SPINT1: variants seen among roughly 807,000 people sequenced by gnomAD.
SPINT1 encodes the protein serine peptidase inhibitor, Kunitz type 1, also known as kunitz-type protease inhibitor 1.
Under a neutral mutation model 53.7 loss-of-function variants are expected in SPINT1, and 38 were observed. That is an observed-to-expected ratio of 0.71 (90% confidence interval 0.55 to 0.93). The LOEUF (loss-of-function observed/expected upper bound fraction) is 0.93. SPINT1 is among the 40% of genes least tolerant of loss of function. The pLI, the probability that SPINT1 is intolerant of heterozygous loss-of-function variation, is 0.00. For synonymous variants in SPINT1, 283 were observed against 280.6 expected (o/e 1.01, Z -0.08); for missense variants, 645 against 692.9 (o/e 0.93, Z 0.78).
At chr15:40,853,444 G>A (rs1324768346) in intron 3 of SPINT1, 45 bp from the exon 4 acceptor site, 2 of 1,613,708 alleles carry the variant, frequency 1.2e-6, no homozygotes. Flanking sequence ...GGCAGCCCAA[G>A]GGCATCAGGG....
At chr15:40,845,949 C>G (rs944456301) in intron 2 of SPINT1, among the ~76,000 whole-genome samples, 2 of 152,218 alleles carry the variant, frequency 1.3e-5, no homozygotes, top group African/African-American at 4.8e-5. Context: ...GACTAGAAAA[C>G]AAGCCCAGTC....
At chr15:40,852,670 A>G (rs552560045) in intron 2 of SPINT1, among the ~76,000 whole-genome samples, 2 of 148,618 alleles carry the variant, frequency 1.3e-5, no homozygotes, top group South Asian at 2.1e-4. Flanking sequence ...TGTTTACTCA[A>G]TAAGATCAGA....
chr15:40,855,760 T>G, intron 8 of SPINT1, 132 bp from the exon 9 acceptor site: 2 of 923,266 alleles, frequency 2.2e-6, no homozygotes, highest in Non-Finnish European at 3.2e-6. Flanking sequence ...GGGCCAGGTG[T>G]TTTGGGGCCT....
intron 2 of SPINT1, among the ~76,000 whole-genome samples, chr15:40,846,726 G>A (rs994478951): frequency 5.9e-5 from 9 of 152,246 alleles, no homozygotes; most frequent in South Asian, 2.1e-4. Flanking sequence ...GCTTTCCTCC[G>A]CAGACTTTTC....
Position 40,844,187 on chromosome 15 carries a change from G to T in SPINT1, c.-66+1G>T. The T allele has an allele frequency of 2.5e-6, 1 of 407,684 alleles. No individual in the cohort carries two copies. The highest frequency in any genetic ancestry group is 4.7e-6 in the Non-Finnish European group (1 of 213,564). The allele number at this position is 407,684 out of a possible 1,614,324, so 25.3% of individuals were successfully genotyped here. Reference sequence around the variant, plus strand: ...GGCCCCACCCAACTCACCTGCGCAGGTAACCCGGGCCCCCGCGCGCAAGGC... The same window carrying T: ...GGCCCCACCCAACTCACCTGCGCAGTTAACCCGGGCCCCCGCGCGCAAGGC... On this transcript the variant is annotated splice_donor_variant, in intron 1 of 10. Transcript: ENST00000562057. LOFTEE classifies it low-confidence loss of function (5UTR_SPLICE). This position sits in a 1 kb window ranked among gnomAD's most constrained non-coding sequence, Gnocchi z 5.8.
In SPINT1 at chr15:40,854,640, C is replaced by T. The variant is rs1891579074; in HGVS notation, c.1068C>T (p.Tyr356=). 6.2e-7 allele frequency: 1 copy of T among 1,614,234 alleles called. No individual in the cohort carries two copies. The highest frequency in any genetic ancestry group is 8.5e-7 in the Non-Finnish European group (1 of 1,180,048). Residue 356 remains tyrosine, a splice_region_variant and synonymous_variant, in exon 8 of 11, where the codon TAC becomes TAT. Transcript: ENST00000562057. The part of the protein sequence containing the change: ...DASDEAACEK[Y]TSGFDELQRI... ...GACTCTGACCTTTCCTCTCTGCAGA[C>T]ACGAGTGGCTTTGACGAGCTCCAGC...
Position 40,845,082 on chromosome 15 carries a change from G to A in SPINT1, c.475+53G>A, listed in dbSNP as rs551303454. The A allele has an allele frequency of 2.1e-6, 3 of 1,450,456 alleles. No homozygotes were observed. The East Asian group carries it at 6.8e-5, about 33-fold the overall frequency. The allele number at this position is 1,450,456 out of a possible 1,614,324, so 89.8% of individuals were successfully genotyped here. ...TTGGAGAGACTCAAAAAAGGGACTG[G>A]TTATGGGGTCCTAGGGGAGACGAAC... On this transcript the variant is annotated intron_variant, in intron 2 of 10. Transcript: ENST00000562057.
intron 10 of SPINT1, among the ~76,000 whole-genome samples, 196 bp from the exon 11 acceptor site, chr15:40,856,574 G>C (rs1001650895): frequency 6.6e-6 from 1 of 152,140 alleles, no homozygotes; most frequent in African/African-American, 2.4e-5. Flanking sequence ...CTTGAGCTGA[G>C]ACCTGAGGCC....
At position 40,844,265 on chromosome 15, in the gene SPINT1, G is replaced by A. The variant is rs1891196348; in HGVS notation, c.-66+79G>A. 3.8e-6 allele frequency: 2 copies of A among 528,534 alleles called. No homozygotes were observed. Among genetic ancestry groups the A allele is most frequent in the Middle Eastern group, 4.2e-4 (1 of 2,384 alleles). The allele number at this position is 528,534 out of a possible 1,614,324, so 32.7% of individuals were successfully genotyped here. A position where few individuals can be genotyped will look rare whatever the true frequency, so the allele number is the denominator to read the frequency against. ...ATGTCCGGCCCTTTGTTCTGCGCTC[G>A]TGCGTGTGTCCGGGTACTTGAGCTC... On this transcript the variant is annotated intron_variant, in intron 1 of 10. Transcript: ENST00000562057. The surrounding 1 kb of genome is among the most constrained non-coding windows in gnomAD (Gnocchi z 5.8).
Position 40,853,704 on chromosome 15 carries a change from C to A in SPINT1, c.743-7C>A, listed in dbSNP as rs548437798. On this transcript the variant is annotated splice_region_variant and splice_polypyrimidine_tract_variant and intron_variant, in intron 4 of 10. Coordinates refer to ENST00000562057, the MANE Select transcript of SPINT1 (RefSeq NM_003710.4). ...CGCACGGTCCCCTCATAAGCTCTCC[C>A]CCCTAGACTACTGCCTCGCATCCAA... The A allele has an allele frequency of 1.2e-6, 2 of 1,613,972 alleles. No individual in the cohort carries two copies. Among genetic ancestry groups the A allele is most frequent in the African/African-American group, 1.3e-5 (1 of 74,922 alleles).
rs3033553 is a variant in SPINT1 at position 40,852,627 on chromosome 15, C to CTGTGTGTG, written c.476-469_476-462dup. Among the ~76,000 whole-genome samples, 602 of 143,490 alleles carry CTGTGTGTG rather than the reference C, an allele frequency of 4.2e-3. 6 individuals are homozygous for CTGTGTGTG. Among genetic ancestry groups the CTGTGTGTG allele is most frequent in the African/African-American group, 0.013 (521 of 39,438 alleles). The allele number at this position is 143,490 out of a possible 152,430, so 94.1% of individuals were successfully genotyped here. Reference sequence around the variant, plus strand: ...TAAGCCTATCCCCTCAAGTAAGTGTCTGTGTGTGTGTGTGTGTGTGTGTGT... The same window carrying CTGTGTGTG: ...TAAGCCTATCCCCTCAAGTAAGTGTCTGTGTGTGTGTGTGTGTGTGTGTGTGTGTGTGT... On this transcript the variant is annotated intron_variant, in intron 2 of 10. Coordinates refer to ENST00000562057, the MANE Select transcript of SPINT1 (RefSeq NM_003710.4).
chr15:40,856,010 G>A lies in SPINT1; in HGVS notation c.1236G>A (p.Lys412=), dbSNP rs1362937389. Residue 412 remains lysine, a synonymous_variant, in exon 9 of 11, where the codon AAG becomes AAA. Coordinates refer to ENST00000562057, the MANE Select transcript of SPINT1 (RefSeq NM_003710.4). ...CCTATGGTGGTTGTTACGGCAACAA[G>A]AACAACTTTGAGGAAGAGCAGCAGT... ...RFTYGGCYGN[K]NNFEEEQQCL... 6.2e-7 allele frequency: 1 copy of A among 1,614,200 alleles called. No homozygotes were observed.
Position 40,854,536 on chromosome 15 carries a change from GAT to G in SPINT1, c.1066+16_1066+17del. The G allele has an allele frequency of 6.2e-7, 1 of 1,613,730 alleles. No individual in the cohort carries two copies. Among genetic ancestry groups the G allele is most frequent in the Non-Finnish European group, 8.5e-7 (1 of 1,179,814 alleles). ...CCTGTGAAAAATGTGAGGCCTGGGGGATAGAGGGGGTTGGGCAGCAGACAGGG... is the reference window on the plus strand; with the variant it reads ...CCTGTGAAAAATGTGAGGCCTGGGGGAGAGGGGGTTGGGCAGCAGACAGGG... On this transcript the variant is annotated intron_variant, in intron 7 of 10. Coordinates refer to ENST00000562057, the MANE Select transcript of SPINT1 (RefSeq NM_003710.4).
intron 5 of SPINT1, 21 bp downstream of exon 5, chr15:40,853,902 T>C (rs1415664071): frequency 1.2e-6 from 2 of 1,614,090 alleles, no homozygotes; most frequent in Non-Finnish European, 1.7e-6. Context: ...GAGAGGCAGC[T>C]CTGGGGCTCA....
chr15:40,854,376 AC>A lies in SPINT1; in HGVS notation c.941-19del. The stretch of plus-strand genomic sequence containing the variant: ...GGCACTTGTTCTTTGCTTGAGCCTG[AC>A]CTCCCTTCCACCCGTCCAGTGTGCT... On this transcript the variant is annotated intron_variant, in intron 6 of 10. Coordinates refer to ENST00000562057, the MANE Select transcript of SPINT1 (RefSeq NM_003710.4). 1 of 1,527,692 alleles carries A rather than the reference AC, an allele frequency of 6.5e-7. No individual in the cohort carries two copies. Among genetic ancestry groups the A allele is most frequent in the Non-Finnish European group, 8.8e-7 (1 of 1,140,854 alleles). 94.6% of individuals were successfully genotyped at this position (1,527,692 alleles called of 1,614,324 possible). A position where few individuals can be genotyped will look rare whatever the true frequency, so the allele number is the denominator to read the frequency against.
In SPINT1 at chr15:40,844,217, G is replaced by T. The variant is rs1010343878; in HGVS notation, c.-66+31G>T. 1 of 423,866 alleles carries T rather than the reference G, an allele frequency of 2.4e-6. No homozygotes were observed. The highest frequency in any genetic ancestry group is 3.7e-5 in the Admixed American group (1 of 27,116). 26.3% of individuals were successfully genotyped at this position (423,866 alleles called of 1,614,324 possible). ...CCGGGCCCCCGCGCGCAAGGCCGAG[G>T]CGCAGGCGGAGCGGGCTGGAGCATG... On this transcript the variant is annotated intron_variant, in intron 1 of 10. Transcript: ENST00000562057. This position sits in a 1 kb window ranked among gnomAD's most constrained non-coding sequence, Gnocchi z 5.8.
Position 40,844,064 on chromosome 15 carries a change from AG to A in SPINT1, c.-183del. On this transcript the variant is annotated 5_prime_UTR_variant, in exon 1 of 11. Transcript: ENST00000562057. This position sits in a 1 kb window ranked among gnomAD's most constrained non-coding sequence, Gnocchi z 5.8. ...CGCTGACTCAGTTTCACCAGAAACC[AG>A]GGGGAGAAGGCGGCCGAGCCCCAGC... 1 of 427,480 alleles carries A rather than the reference AG, an allele frequency of 2.3e-6. No individual in the cohort carries two copies. Among genetic ancestry groups the A allele is most frequent in the Non-Finnish European group, 4.6e-6 (1 of 215,312 alleles). 26.5% of individuals were successfully genotyped at this position (427,480 alleles called of 1,614,324 possible).
At position 40,844,269 on chromosome 15, in the gene SPINT1, G is replaced by A. The variant is rs1891196621; in HGVS notation, c.-66+83G>A. The stretch of plus-strand genomic sequence containing the variant: ...CCGGCCCTTTGTTCTGCGCTCGTGC[G>A]TGTGTCCGGGTACTTGAGCTCCCTA... On this transcript the variant is annotated intron_variant, in intron 1 of 10. Transcript: ENST00000562057. This position sits in a 1 kb window ranked among gnomAD's most constrained non-coding sequence, Gnocchi z 5.8. The A allele has an allele frequency of 1.9e-6, 1 of 535,408 alleles. No individual in the cohort carries two copies. The highest frequency in any genetic ancestry group is 3.3e-5 in the Admixed American group (1 of 30,246). The allele number at this position is 535,408 out of a possible 1,614,324, so 33.2% of individuals were successfully genotyped here.
chr15:40,856,050 C>T lies in SPINT1; in HGVS notation c.1276C>T (p.Arg426Cys), dbSNP rs201870536. ...AGAGCAGCAGTGCCTCGAGTCTTGT[C>T]GCGGCATCTCCAGTGAGTGGGCCAG... ...EEEQQCLESC[R>C]GISKKDVFGL... Residue 426 changes from arginine to cysteine, a missense_variant, in exon 9 of 11, where the codon CGC (arginine) becomes TGC (cysteine). Physicochemically the swap from Arg to Cys is radical, Grantham distance 180 (BLOSUM62 -3). Coordinates refer to ENST00000562057, the MANE Select transcript of SPINT1 (RefSeq NM_003710.4). 47 of 1,613,992 alleles carry T rather than the reference C, an allele frequency of 2.9e-5. No individual in the cohort carries two copies. Among genetic ancestry groups the T allele is most frequent in the Non-Finnish European group, 3.8e-5 (45 of 1,179,952 alleles).
Sources: gnomAD v4.1 joint callset for allele counts (sites outside exome capture counted in the v4.1 genomes callset) on GRCh38, gnomAD v4.1.1 for gene constraint, Gnocchi (gnomAD v3.1) non-coding constraint, MANE v1.5 for transcripts, NCBI Gene and HGNC (gene_info 2026-07-23, HGNC 2026-07-21) for gene names.